NOC2L: variants seen among roughly 807,000 people sequenced by gnomAD.
NOC2L encodes the protein nucleolar complex protein 2 homolog.
Under a neutral mutation model 94.2 loss-of-function variants are expected in NOC2L, and 101 were observed. The ratio of observed to expected loss-of-function variants is 1.07; its 90% CI spans 0.91 to 1.26. The LOEUF (loss-of-function observed/expected upper bound fraction) is 1.26, where lower values mean the gene tolerates loss of function less well. NOC2L is among the 50% of genes most tolerant of loss of function. The pLI is 0.00. For synonymous variants in NOC2L, 531 were observed against 413.4 expected, an observed-to-expected ratio of 1.28 and a Z score of -3.45; for missense variants, 1,076 against 980.1, an observed-to-expected ratio of 1.10 and a Z score of -1.31.
At chr1:954,866 A>C (rs552022564) in intron 6 of NOC2L, among the ~76,000 whole-genome samples, 1 of 152,218 alleles carries the variant, frequency 6.6e-6, no homozygotes, top group East Asian at 1.9e-4. Flanking sequence ...AAAACAAAAC[A>C]AAACAAAACA....
chr1:953,349 C>A, intron 8 of NOC2L, 61 bp from the exon 9 acceptor site: 1 of 967,318 alleles, frequency 1.0e-6, no homozygotes, highest in Non-Finnish European at 1.6e-6. Flanking sequence ...TGCCCCAGGG[C>A]CAGCACAGCC....
intron 14 of NOC2L, chr1:946,988 T>C: frequency 5.8e-6 from 1 of 173,218 alleles, no homozygotes; most frequent in Non-Finnish European, 1.2e-5. Flanking sequence ...GCCCAGGAGA[T>C]GGAGATTGCA....
intron 4 of NOC2L, among the ~76,000 whole-genome samples, chr1:956,423 C>T (rs1473537271): frequency 6.6e-6 from 1 of 152,068 alleles, no homozygotes; most frequent in East Asian, 1.9e-4. Flanking sequence ...GCTCAGGAGC[C>T]CCAGGAAAAG....
intron 17 of NOC2L, 120 bp from the exon 18 acceptor site, chr1:945,266 G>T: frequency 7.7e-7 from 1 of 1,301,350 alleles, no homozygotes. Context: ...ACTTCCAGCA[G>T]GTGGAGAGGA....
chr1:947,431 T>C (rs1642143740), intron 14 of NOC2L, among the ~76,000 whole-genome samples: 1 of 152,194 alleles, frequency 6.6e-6, no homozygotes, highest in Non-Finnish European at 1.5e-5. Flanking sequence ...CAATTGTGGC[T>C]CATGTGAGCA....
rs141565329 is a variant in NOC2L, at chr1:959,018, G to A, written c.90C>T (p.Ser30=). The change falls in exon 2 of 19, where the codon TCC becomes TCT. Residue 30 remains serine, a synonymous_variant. Transcript: ENST00000327044. ...LASGFDSESE[S]ESENSPQAET... ...CCGCTTGTGGAGAATTTTCGGACTC[G>A]GATTCGGACTCGGAGTCAAAGCCCG... is the stretch of plus-strand genomic sequence containing the variant. 2.1e-4 allele frequency: 332 copies of A among 1,612,280 alleles called. 1 individual carries two copies. Among genetic ancestry groups the A allele is most frequent in the Non-Finnish European group, 2.6e-4 (304 of 1,179,702 alleles).
In NOC2L at chr1:953,907, G is replaced by A. The variant is rs747662296; in HGVS notation, c.778-15C>T. 3.7e-6 allele frequency: 6 copies of A among 1,611,504 alleles called. No homozygotes were observed. Among genetic ancestry groups the A allele is most frequent in the Non-Finnish European group, 4.2e-6 (5 of 1,178,614 alleles). ...CAGGACACCAGCTGGGGGCAGGAGG[G>A]GACAGTGAAGCCCCAAACCCATGTA... On this transcript the variant is annotated splice_polypyrimidine_tract_variant and intron_variant, in intron 7 of 18. Coordinates refer to ENST00000327044, the MANE Select transcript of NOC2L (RefSeq NM_015658.4).
At chr1:955,457 C>A (rs1487030604) in intron 6 of NOC2L, among the ~76,000 whole-genome samples, 1 of 152,216 alleles carries the variant, frequency 6.6e-6, no homozygotes, top group Admixed American at 6.5e-5. Flanking sequence ...CCTTCCACGG[C>A]CTTCTCTGCC....
intron 8 of NOC2L, 37 bp from the exon 9 acceptor site, chr1:953,325 C>G (rs757869694): frequency 6.9e-6 from 9 of 1,297,566 alleles, no homozygotes; most frequent in Non-Finnish European, 7.8e-6. Context: ...GCCCCCCAGC[C>G]TCCTCAGCAG....
Position 952,129 on chromosome 1 carries a change from T to C in NOC2L, c.1202A>G (p.Gln401Arg), listed in dbSNP as rs1642276300. The C allele has an allele frequency of 1.9e-6, 3 of 1,613,464 alleles. No homozygotes were observed. The highest frequency in any genetic ancestry group is 1.6e-4 in the Middle Eastern group (1 of 6,084). Reference sequence around the variant, plus strand: ...CACATACTGCCAGTTGTACACAGACTGGTATGTTTCCTGGTCAGAGAGAAC... The same window carrying C: ...CACATACTGCCAGTTGTACACAGACCGGTATGTTTCCTGGTCAGAGAGAAC... ...AMTTRKKETY[Q>R]SVYNWQYVHC... is the part of the protein sequence containing the mutation. The change falls in exon 11 of 19, where the codon CAG becomes CGG. Residue 401 changes from glutamine to arginine, a missense_variant. Coordinates refer to ENST00000327044, the MANE Select transcript of NOC2L (RefSeq NM_015658.4).
intron 18 of NOC2L, 123 bp downstream of exon 18, chr1:944,934 T>A: frequency 6.6e-7 from 1 of 1,505,052 alleles, no homozygotes; most frequent in Non-Finnish European, 9.1e-7. Context: ...ACAGAGCATT[T>A]GGCCTGGCCT....
rs780153174 is a variant in NOC2L, at chr1:946,203, C to G, written c.1887G>C (p.Glu629Asp). 2.5e-6 allele frequency: 4 copies of G among 1,613,242 alleles called. No individual in the cohort carries two copies. The East Asian group carries it at 8.9e-5, about 36-fold the overall frequency. The change falls in exon 16 of 19, where the codon GAG (glutamate) becomes GAC (aspartate). Residue 629 changes from glutamate (E) to aspartate (D), a missense_variant. Around this residue, in one of 3 missense-constraint regions of NOC2L, gnomAD observed 615 missense variants for 577.4 expected, o/e 1.07. Transcript: ENST00000327044. Reference protein sequence around the residue: ...YSHWRKLRDREIQLEISGKER... With the variant: ...YSHWRKLRDRDIQLEISGKER... ...CTTTGCCACTGATCTCCAGCTGGAT[C>G]TCCCGGTCACGCAGCTTGCGCCAGT...
Position 944,421 on chromosome 1 carries a change from A to C in NOC2L, c.*273T>G, listed in dbSNP as rs1642023842. The C allele has an allele frequency of 9.0e-7, 1 of 1,109,944 alleles. No individual in the cohort carries two copies. Among genetic ancestry groups the C allele is most frequent in the Non-Finnish European group, 1.2e-6 (1 of 837,268 alleles). The allele number at this position is 1,109,944 out of a possible 1,614,324, so 68.8% of individuals were successfully genotyped here. The stretch of plus-strand genomic sequence containing the variant: ...CTGCAGGCCTCCCCCTGGAACTGGG[A>C]CTGGTCTCGGTCTGCTGACGTCAGG... On this transcript the variant is annotated 3_prime_UTR_variant, in exon 19 of 19. Transcript: ENST00000327044.
rs758671681 is a variant in NOC2L, at chr1:951,145, C to G, written c.1425G>C (p.Val475=). ...LSGSSGAFIP[V]LPFILEMFQQ... is the part of the protein sequence containing the mutation. Reference sequence around the variant, plus strand: ...CACTCACCTCCAGGATGAAAGGCAGCACCGGGATGAAGGCCCCCGAGCTCC... The same window carrying G: ...CACTCACCTCCAGGATGAAAGGCAGGACCGGGATGAAGGCCCCCGAGCTCC... Residue 475 remains valine (V), a synonymous_variant, in exon 12 of 19, where the codon GTG becomes GTC. Transcript: ENST00000327044. The G allele has an allele frequency of 1.9e-6, 3 of 1,586,064 alleles. No individual in the cohort carries two copies. The South Asian group carries it at 3.5e-5, about 18-fold the overall frequency.
In NOC2L at chr1:944,463, A is replaced by G; in HGVS notation, c.*231T>C. ...GACGTCAGGGTCAGCTCCCCCGCGG[A>G]GCTGACTTCAGCAGCCCACAGCTGT... On this transcript the variant is annotated 3_prime_UTR_variant, in exon 19 of 19. Coordinates refer to ENST00000327044, the MANE Select transcript of NOC2L (RefSeq NM_015658.4). 14 of 757,420 alleles carry G rather than the reference A, an allele frequency of 1.8e-5. No homozygotes were observed. Among genetic ancestry groups the G allele is most frequent in the Non-Finnish European group, 2.8e-5 (14 of 505,294 alleles). The allele number at this position is 757,420 out of a possible 1,614,324, so 46.9% of individuals were successfully genotyped here. A position where few individuals can be genotyped will look rare whatever the true frequency, so the allele number is the denominator to read the frequency against.
At chr1:944,878 T>TAATC (rs1642049363) in intron 18 of NOC2L, 78 bp from the exon 19 acceptor site, 1 of 1,306,374 alleles carries the variant, frequency 7.7e-7, no homozygotes, top group Admixed American at 2.1e-5. Context: ...CATCACTAAT[T>TAATC]AATCACGGCA....
In NOC2L at chr1:945,511, G is replaced by A. The variant is rs780702014; in HGVS notation, c.2053+7C>T. ...CCCTTCCCCTGGGAGCACCACGCAG[G>A]CCCCACCTCTCTCCGAGAATCCCTC... On this transcript the variant is annotated splice_region_variant and intron_variant, in intron 17 of 18. Coordinates refer to ENST00000327044, the MANE Select transcript of NOC2L (RefSeq NM_015658.4). 11 of 1,613,220 alleles carry A rather than the reference G, an allele frequency of 6.8e-6. No individual in the cohort carries two copies. Among genetic ancestry groups the A allele is most frequent in the East Asian group, 4.5e-5 (2 of 44,892 alleles).
rs765771844 is a variant in NOC2L, at chr1:945,049, C to T, written c.2143+8G>A. On this transcript the variant is annotated splice_region_variant and intron_variant, in intron 18 of 18. Transcript: ENST00000327044. ...AGGGCCACACCCTCTCACCCCAAGA[C>T]CATTCACCCTCCGAGTTGCTGCTGT... 2 of 1,614,154 alleles carry T rather than the reference C, an allele frequency of 1.2e-6. No homozygotes were observed. Among genetic ancestry groups the T allele is most frequent in the Non-Finnish European group, 8.5e-7 (1 of 1,179,984 alleles).
At chr1:946,376 T>TG in intron 15 of NOC2L, 26 bp downstream of exon 15, 4 of 1,613,288 alleles carry the variant, frequency 2.5e-6, no homozygotes, top group Non-Finnish European at 3.4e-6. Flanking sequence ...TGCCCTCAGG[T>TG]GGCACTACCC....
Sources: allele counts gnomAD v4.1 joint callset (sites outside exome capture counted in the v4.1 genomes callset), GRCh38; gene constraint gnomAD v4.1.1; regional missense constraint gnomAD v4.1.1; transcripts MANE v1.5; gene names NCBI Gene and HGNC (gene_info 2026-07-23, HGNC 2026-07-21).